CNTNAP2: variants seen among roughly 807,000 people sequenced by gnomAD.
CNTNAP2 encodes contactin-associated protein-like 2.
A neutral mutation model predicts 155.2 loss-of-function variants in CNTNAP2; 98 were observed. That is an observed-to-expected ratio of 0.63 (90% CI 0.54 to 0.75). CNTNAP2 has a LOEUF of 0.75. CNTNAP2 is among the 30% of genes least tolerant of loss of function. CNTNAP2 has a pLI of 0.00. For synonymous variants in CNTNAP2, 651 were observed against 631.2 expected (o/e 1.03, Z -0.47); for missense variants, 1,727 against 1,688.1 (o/e 1.02, Z -0.40).
At chr7:146,634,371 A>G (rs946060392) in intron 1 of CNTNAP2, among the ~76,000 whole-genome samples, 3 of 152,184 alleles carry the variant, frequency 2.0e-5, no homozygotes, top group Non-Finnish European at 4.4e-5. Flanking sequence ...AACTGATCTC[A>G]TTCATTTTTC....
chr7:146,391,259 G>C (rs756270200), intron 1 of CNTNAP2, among the ~76,000 whole-genome samples: 14 of 151,614 alleles, frequency 9.2e-5, no homozygotes, highest in Non-Finnish European at 1.5e-4. Flanking sequence ...TCTGGGGTGA[G>C]TAACCAATAA....
chr7:148,235,933 C>T (rs1011592603), intron 20 of CNTNAP2, among the ~76,000 whole-genome samples: 1 of 152,078 alleles, frequency 6.6e-6, no homozygotes, highest in Admixed American at 6.5e-5. Flanking sequence ...GATCCACCCT[C>T]CTTGGCCTCC....
intron 1 of CNTNAP2, among the ~76,000 whole-genome samples, chr7:146,582,718 G>A (rs565554093): frequency 7.2e-4 from 110 of 152,098 alleles, no homozygotes; most frequent in Middle Eastern, 3.4e-3. Context: ...CTCTGAATGT[G>A]TTTCTATTTT....
chr7:147,882,261 T>C (rs1409413237), intron 13 of CNTNAP2, among the ~76,000 whole-genome samples: 1 of 152,184 alleles, frequency 6.6e-6, no homozygotes, highest in Non-Finnish European at 1.5e-5. Flanking sequence ...GTTATGATCA[T>C]AATGGAGGTG....
intron 4 of CNTNAP2, among the ~76,000 whole-genome samples, chr7:147,049,935 C>T (rs1019266348): frequency 6.6e-6 from 1 of 152,142 alleles, no homozygotes; most frequent in Non-Finnish European, 1.5e-5. Context: ...TGACTCTATT[C>T]CAGGTGGAGA....
chr7:148,396,060 G>A (rs1245718798), intron 22 of CNTNAP2, among the ~76,000 whole-genome samples: 1 of 152,136 alleles, frequency 6.6e-6, no homozygotes, highest in African/African-American at 2.4e-5. Flanking sequence ...TTTTCCTGGG[G>A]TCTGTGCATG....
intron 8 of CNTNAP2, among the ~76,000 whole-genome samples, chr7:147,225,862 AGAAGGAAGGAGGGAAAGAAGG>A (rs1563123869): frequency 4.5e-5 from 6 of 132,356 alleles, no homozygotes; most frequent in Non-Finnish European, 4.9e-5. Context: ...AAGGAGGGAA[AGAAGGAAGGAGGGAAAGAAGG>A]AAGGAAGGAA....
chr7:148,409,478 G>A lies in CNTNAP2; in HGVS notation c.3796+7G>A, dbSNP rs534862794. On this transcript the variant is annotated splice_region_variant and intron_variant, in intron 23 of 23. Coordinates refer to ENST00000361727, the MANE Select transcript of CNTNAP2 (RefSeq NM_014141.6). ...AACTCGGCTATCATTGGAGGTAGGT[G>A]ATGTCTAGAGGAGGCTTATATGGGG... 1.2e-6 allele frequency: 2 copies of A among 1,612,482 alleles called. No individual in the cohort carries two copies. Among genetic ancestry groups the A allele is most frequent in the Admixed American group, 3.3e-5 (2 of 60,016 alleles).
intron 13 of CNTNAP2, among the ~76,000 whole-genome samples, chr7:147,862,668 C>T (rs1799156657): frequency 6.6e-6 from 1 of 152,042 alleles, no homozygotes; most frequent in Admixed American, 6.6e-5. Flanking sequence ...TACACATACA[C>T]ACACATATGA....
chr7:146,880,268 C>T (rs558836151), intron 3 of CNTNAP2, among the ~76,000 whole-genome samples: 2 of 151,888 alleles, frequency 1.3e-5, no homozygotes, highest in Admixed American at 6.6e-5. Context: ...TTGGAGCCTT[C>T]GTGATGGGAT....
intron 18 of CNTNAP2, among the ~76,000 whole-genome samples, chr7:148,216,490 G>T (rs1239056798): frequency 6.6e-6 from 1 of 152,114 alleles, no homozygotes; most frequent in Non-Finnish European, 1.5e-5. Flanking sequence ...GCTTATAAAG[G>T]CTTTCCTGTA....
intron 8 of CNTNAP2, among the ~76,000 whole-genome samples, chr7:147,240,682 C>G (rs1475557331): frequency 6.6e-6 from 1 of 152,184 alleles, no homozygotes; most frequent in African/African-American, 2.4e-5. Context: ...ACGGAGCCCA[C>G]AGCACTGAGT....
At chr7:146,956,464 G>T (rs763689200) in intron 3 of CNTNAP2, among the ~76,000 whole-genome samples, 9 of 152,160 alleles carry the variant, frequency 5.9e-5, no homozygotes, top group Non-Finnish European at 1.2e-4. Context: ...GAAAAGTGCT[G>T]TCTTCCACAT....
At chr7:148,193,580 A>G (rs1272758301) in intron 18 of CNTNAP2, among the ~76,000 whole-genome samples, 1 of 152,056 alleles carries the variant, frequency 6.6e-6, no homozygotes, top group Non-Finnish European at 1.5e-5. Flanking sequence ...GGGACCTAAA[A>G]AGATTCCTGT....
chr7:147,442,888 G>A (rs914973735), intron 10 of CNTNAP2, among the ~76,000 whole-genome samples: 9 of 152,058 alleles, frequency 5.9e-5, no homozygotes, highest in Non-Finnish European at 1.2e-4. Flanking sequence ...GAGGCAAAAC[G>A]AAATCTTCTC....
At chr7:146,376,086 G>T (rs1176921404) in intron 1 of CNTNAP2, among the ~76,000 whole-genome samples, 1 of 152,088 alleles carries the variant, frequency 6.6e-6, no homozygotes, top group Non-Finnish European at 1.5e-5. Flanking sequence ...GTAAGATAGG[G>T]TTCCCACTCT....
intron 8 of CNTNAP2, among the ~76,000 whole-genome samples, chr7:147,145,165 T>C (rs1285477431): frequency 6.6e-6 from 1 of 152,200 alleles, no homozygotes; most frequent in African/African-American, 2.4e-5. Flanking sequence ...ATTCCTACCA[T>C]TTCTAATTTC....
chr7:148,373,349 G>A (rs1798924868), intron 21 of CNTNAP2, among the ~76,000 whole-genome samples: 1 of 152,182 alleles, frequency 6.6e-6, no homozygotes, highest in South Asian at 2.1e-4. Context: ...CCAGCTACTT[G>A]GGAGGCTGAG....
intron 1 of CNTNAP2, among the ~76,000 whole-genome samples, chr7:146,265,242 A>C (rs971694540): frequency 6.6e-6 from 1 of 152,138 alleles, no homozygotes; most frequent in African/African-American, 2.4e-5. Flanking sequence ...ACTATAGATT[A>C]TTACCATTAT....
Sources: gnomAD v4.1 joint callset for allele counts (sites outside exome capture counted in the v4.1 genomes callset) on GRCh38, gnomAD v4.1.1 for gene constraint, MANE v1.5 for transcripts, NCBI Gene and HGNC (gene_info 2026-07-23, HGNC 2026-07-21) for gene names.